TLK1: variants seen among roughly 807,000 people sequenced by gnomAD.
TLK1 encodes tousled like kinase 1.
In TLK1, 24 loss-of-function variants were observed where a neutral mutation model predicts 105.3. The ratio of observed to expected loss-of-function variants is 0.23; its 90% CI spans 0.17 to 0.32. The LOEUF (loss-of-function observed/expected upper bound fraction) is 0.32, where lower values mean the gene tolerates loss of function less well. Ranked by LOEUF, TLK1 falls within the 10% of genes least tolerant of loss-of-function variation. TLK1 has a pLI of 1.00. For missense variants in TLK1, 558 were observed against 910.5 expected, an observed-to-expected ratio of 0.61 and a Z score of 4.98; for synonymous variants, 321 against 310.4, an observed-to-expected ratio of 1.03 and a Z score of -0.36.
chr2:171,113,604 A>G lies in TLK1; in HGVS notation c.258+4135T>C, dbSNP rs574378106. Reference sequence around the variant, plus strand: ...TACTTATCATATATATGTAAATCATATATGTGTTAATTATGTAAGTCATAT... The same window carrying G: ...TACTTATCATATATATGTAAATCATGTATGTGTTAATTATGTAAGTCATAT... On this transcript the variant is annotated intron_variant, in intron 2 of 20. Coordinates refer to ENST00000431350, the MANE Select transcript of TLK1 (RefSeq NM_012290.5). Among the ~76,000 whole-genome samples, 7 of 152,228 alleles carry G rather than the reference A, an allele frequency of 4.6e-5. No individual in the cohort carries two copies. The South Asian group carries it at 1.4e-3, about 32-fold the overall frequency.
chr2:171,058,846 T>C lies in TLK1; in HGVS notation c.407-649A>G, dbSNP rs546110264. Among the ~76,000 whole-genome samples, 6 of 152,320 alleles carry C rather than the reference T, an allele frequency of 3.9e-5. No homozygotes were observed. In the East Asian group the frequency reaches 1.2e-3, roughly 29 times the overall value. ...AAGTAACCATCCTTGACTGGAACTA[T>C]ACAGAATACACGATTTCTTCAAGTT... On this transcript the variant is annotated intron_variant, in intron 4 of 20. Coordinates refer to ENST00000431350, the MANE Select transcript of TLK1 (RefSeq NM_012290.5).
In TLK1 at chr2:171,160,230, CG is replaced by C. The variant is rs1279758538; in HGVS notation, c.139+59del. Reference sequence around the variant, plus strand: ...GGGCGGGGGGGGCGGGGGGGGGGCGCGGGGGTCCGCGGCGCGGGAGAGGAGG... The same window carrying C: ...GGGCGGGGGGGGCGGGGGGGGGGCGCGGGGTCCGCGGCGCGGGAGAGGAGG... On this transcript the variant is annotated intron_variant, in intron 1 of 20. Transcript: ENST00000431350. This position sits in a 1 kb window ranked among gnomAD's most constrained non-coding sequence, Gnocchi z 4.4. The C allele has an allele frequency of 4.0e-6, 5 of 1,243,610 alleles. No homozygotes were observed. The Admixed American group carries it at 1.3e-4, about 32-fold the overall frequency. 77.0% of individuals were successfully genotyped at this position (1,243,610 alleles called of 1,614,324 possible). A position where few individuals can be genotyped will look rare whatever the true frequency, so the allele number is the denominator to read the frequency against.
intron 18 of TLK1, among the ~76,000 whole-genome samples, chr2:170,998,034 CTCTATCTATCTTTATCTATCTATCTA>C (rs1204392107): frequency 4.7e-5 from 7 of 150,044 alleles, no homozygotes; most frequent in African/African-American, 1.7e-4. Flanking sequence ...TAAAGTTCAT[CTCTATCTATCTTTATCTATCTATCTA>C]TCTATCTATC....
chr2:171,059,843 A>G, intron 4 of TLK1: 1 of 797,234 alleles, frequency 1.3e-6, no homozygotes, highest in East Asian at 2.4e-5. Flanking sequence ...TAAGGTTCAC[A>G]CTCCTATGAG....
At chr2:171,218,024 C>T (rs539314083) in intron 1 of TLK1, among the ~76,000 whole-genome samples, 6 of 152,208 alleles carry the variant, frequency 3.9e-5, no homozygotes, top group South Asian at 4.1e-4. Context: ...GAGGCGGAGG[C>T]GGGCAGATCA....
At chr2:171,096,568 C>T (rs1466405118) in intron 2 of TLK1, among the ~76,000 whole-genome samples, 1 of 151,966 alleles carries the variant, frequency 6.6e-6, no homozygotes, top group African/African-American at 2.4e-5. Context: ...ACCAGCCTGG[C>T]CAACACAGTG....
chr2:171,068,283 C>T (rs1361849105), intron 3 of TLK1, among the ~76,000 whole-genome samples: 1 of 151,972 alleles, frequency 6.6e-6, no homozygotes, highest in Non-Finnish European at 1.5e-5. Context: ...GAGCCAAGAT[C>T]GCGCCATTGC....
intron 1 of TLK1, among the ~76,000 whole-genome samples, chr2:171,176,654 C>T (rs1230778948): frequency 3.3e-5 from 5 of 152,074 alleles, no homozygotes; most frequent in Non-Finnish European, 5.9e-5. Context: ...TCTAGGCTAC[C>T]GTCATCTCTT....
intron 1 of TLK1, among the ~76,000 whole-genome samples, chr2:171,168,280 A>G (rs1361918027): frequency 6.6e-6 from 1 of 152,220 alleles, no homozygotes; most frequent in African/African-American, 2.4e-5. Flanking sequence ...TACATGGCAA[A>G]GGAGACATAT....
At position 171,006,892 on chromosome 2, in the gene TLK1, A is replaced by G. The variant is rs1235478188; in HGVS notation, c.1509-3T>C. On this transcript the variant is annotated splice_region_variant and splice_polypyrimidine_tract_variant and intron_variant, in intron 15 of 20. Transcript: ENST00000431350. ...TTCTATACTCTCTGCAGGCATGTCT[A>G]TGAGAAGACAGTGTATTAATTCTCC... is the stretch of plus-strand genomic sequence containing the variant. The G allele has an allele frequency of 2.5e-6, 4 of 1,611,524 alleles. No individual in the cohort carries two copies. The highest frequency in any genetic ancestry group is 1.3e-5 in the African/African-American group (1 of 74,850).
chr2:171,133,988 T>C (rs1409146152), intron 1 of TLK1, among the ~76,000 whole-genome samples: 1 of 152,094 alleles, frequency 6.6e-6, no homozygotes, highest in African/African-American at 2.4e-5. Context: ...TGTGCCACCA[T>C]ACCTGGCTGT....
intron 4 of TLK1, 127 bp downstream of exon 4, chr2:171,060,954 C>T (rs1407623124): frequency 2.4e-6 from 2 of 830,644 alleles, no homozygotes; most frequent in Non-Finnish European, 1.9e-6. Flanking sequence ...TATACACTAA[C>T]TACCTGTGCA....
intron 2 of TLK1, among the ~76,000 whole-genome samples, chr2:171,096,762 A>C (rs1431644373): frequency 6.6e-6 from 1 of 151,966 alleles, no homozygotes; most frequent in Non-Finnish European, 1.5e-5. Flanking sequence ...TGTCTCAAAA[A>C]AAAAAAAAAA....
rs1685877511 is a variant in TLK1, at chr2:171,028,323, CAT to C, written c.1236+14_1236+15del. ...GTAGCAAATTGAACTAAAAATGCAG[CAT>C]ATGTTTCACATACCTTTTTGAGATG... is the stretch of plus-strand genomic sequence containing the variant. On this transcript the variant is annotated intron_variant, in intron 12 of 20. Transcript: ENST00000431350. 1.3e-6 allele frequency: 2 copies of C among 1,572,898 alleles called. No individual in the cohort carries two copies. Among genetic ancestry groups the C allele is most frequent in the Non-Finnish European group, 1.7e-6 (2 of 1,143,568 alleles).
intron 1 of TLK1, among the ~76,000 whole-genome samples, chr2:171,151,238 C>T (rs143375332): frequency 2.6e-5 from 4 of 151,902 alleles, no homozygotes; most frequent in East Asian, 3.9e-4. Context: ...AGGCTGGTCT[C>T]GAACTCCTGC....
At chr2:171,095,806 A>C (rs2105497035) in intron 2 of TLK1, among the ~76,000 whole-genome samples, 1 of 152,288 alleles carries the variant, frequency 6.6e-6, no homozygotes, top group South Asian at 2.1e-4. Flanking sequence ...TAAAAAAAAA[A>C]AACTTTCAAC....
chr2:171,028,255 T>C, intron 12 of TLK1, 84 bp downstream of exon 12: 1 of 1,005,384 alleles, frequency 9.9e-7, no homozygotes, highest in Non-Finnish European at 1.6e-6. Flanking sequence ...AAATTTTGGC[T>C]TTTAAAATAA....
intron 1 of TLK1, among the ~76,000 whole-genome samples, chr2:171,209,442 C>T (rs933298680): frequency 5.9e-5 from 9 of 152,104 alleles, no homozygotes; most frequent in Non-Finnish European, 1.0e-4. Flanking sequence ...TTTAAATATA[C>T]ACAGAAATGT....
At chr2:171,083,661 C>T (rs892552687) in intron 2 of TLK1, among the ~76,000 whole-genome samples, 6 of 152,178 alleles carry the variant, frequency 3.9e-5, no homozygotes, top group African/African-American at 1.4e-4. Context: ...TGTTTCACCT[C>T]ACTTGTAACA....
Sources: gnomAD v4.1 joint callset for allele counts (sites outside exome capture counted in the v4.1 genomes callset) on GRCh38, gnomAD v4.1.1 for gene constraint, Gnocchi (gnomAD v3.1) non-coding constraint, MANE v1.5 for transcripts, NCBI Gene and HGNC (gene_info 2026-07-23, HGNC 2026-07-21) for gene names.